Variants in SLC25A26 observed in about 807,000 individuals in gnomAD.
SLC25A26 encodes the protein mitochondrial S-adenosylmethionine carrier protein.
In SLC25A26, 36 loss-of-function variants were observed where a neutral mutation model predicts 37.8. The observed-to-expected ratio is 0.95, with a 90% CI of 0.73 to 1.26. SLC25A26 has a LOEUF of 1.26. Ranked by LOEUF, SLC25A26 falls within the 50% of genes most tolerant of loss-of-function variation. SLC25A26 has a pLI of 0.00. For missense variants in SLC25A26, 390 were observed against 331.1 expected (o/e 1.18, Z -1.38); for synonymous variants, 129 against 122.5 (o/e 1.05, Z -0.35).
intron 5 of SLC25A26, among the ~76,000 whole-genome samples, chr3:66,330,547 G>A (rs764936411): frequency 2.6e-5 from 4 of 151,630 alleles, no homozygotes; most frequent in Non-Finnish European, 4.4e-5. Context: ...CTCTGTTGTA[G>A]GCAGTGTGCT....
At chr3:66,191,866 T>G (rs2070948452) in intron 1 of SLC25A26, among the ~76,000 whole-genome samples, 1 of 150,300 alleles carries the variant, frequency 6.7e-6, no homozygotes, top group South Asian at 2.1e-4. Flanking sequence ...AAGATTGTGC[T>G]ACTGCACTCC....
intron 3 of SLC25A26, among the ~76,000 whole-genome samples, chr3:66,247,833 T>G (rs868985811): frequency 3.9e-5 from 6 of 152,232 alleles, no homozygotes; most frequent in South Asian, 2.1e-4. Context: ...GATAAACTTT[T>G]GATTTCAGAT....
intron 3 of SLC25A26, among the ~76,000 whole-genome samples, chr3:66,253,617 G>A (rs1417990810): frequency 6.6e-6 from 1 of 152,032 alleles, no homozygotes; most frequent in African/African-American, 2.4e-5. Context: ...CTTCCAGAAG[G>A]CATACTGCCT....
At chr3:66,243,399 A>G in intron 3 of SLC25A26, 87 bp downstream of exon 3, 1 of 655,356 alleles carries the variant, frequency 1.5e-6, no homozygotes, top group Non-Finnish European at 2.6e-6. Context: ...TTTTTTAAAA[A>G]TTATTTTTAA....
chr3:66,257,669 G>C (rs563799596), intron 3 of SLC25A26, among the ~76,000 whole-genome samples: 2 of 152,162 alleles, frequency 1.3e-5, no homozygotes, highest in Non-Finnish European at 2.9e-5. Context: ...TTCTCTTGCT[G>C]ATAGCACTTT....
chr3:66,242,531 A>G (rs369557741), intron 2 of SLC25A26, among the ~76,000 whole-genome samples: 1 of 152,202 alleles, frequency 6.6e-6, no homozygotes, highest in South Asian at 2.1e-4. Context: ...CAGAAGATGA[A>G]TTTGTCATTC....
chr3:66,205,093 C>T (rs1466749531), intron 1 of SLC25A26, among the ~76,000 whole-genome samples: 2 of 152,190 alleles, frequency 1.3e-5, no homozygotes, highest in African/African-American at 4.8e-5. Context: ...TTGTGCAACA[C>T]AGCAGTGTTT....
intron 3 of SLC25A26, among the ~76,000 whole-genome samples, chr3:66,260,538 T>C (rs1189438497): frequency 6.6e-6 from 1 of 152,244 alleles, no homozygotes; most frequent in Non-Finnish European, 1.5e-5. Context: ...TTTGTTGTAA[T>C]GCATCGGTAT....
chr3:66,187,271 C>G (rs1375235806), intron 1 of SLC25A26, among the ~76,000 whole-genome samples: 3 of 151,878 alleles, frequency 2.0e-5, no homozygotes, highest in Non-Finnish European at 4.4e-5. Flanking sequence ...TCACACACAG[C>G]CTTACCCTTC....
At chr3:66,133,978 A>T (rs892746309) in exon 1 of SLC25A26, 20 of 152,226 alleles carry the variant, frequency 1.3e-4, no homozygotes, top group African/African-American at 3.4e-4. Context: ...GCATCTTCAC[A>T]TTGCAGGTAC....
chr3:66,378,849 C>T lies in SLC25A26; in HGVS notation c.*1042C>T, dbSNP rs893209387. The T allele has an allele frequency of 6.6e-6, 1 of 152,534 alleles. No individual in the cohort carries two copies. The highest frequency in any genetic ancestry group is 1.5e-5 in the Non-Finnish European group (1 of 68,010). The allele number at this position is 152,534 out of a possible 1,614,324, so 9.4% of individuals were successfully genotyped here. ...AGACACTTCAATGCCATTTGTTAGA[C>T]ACTTCAATATTTTACATGGTTTTCA... On this transcript the variant is annotated 3_prime_UTR_variant, in exon 10 of 10. Coordinates refer to ENST00000354883, the MANE Select transcript of SLC25A26 (RefSeq NM_001379210.1).
At chr3:66,248,290 T>C (rs2072936897) in intron 3 of SLC25A26, among the ~76,000 whole-genome samples, 1 of 152,228 alleles carries the variant, frequency 6.6e-6, no homozygotes, top group African/African-American at 2.4e-5. Context: ...AGATTTAACA[T>C]GTAACAATAG....
At chr3:66,308,166 T>C (rs1289744979) in intron 5 of SLC25A26, among the ~76,000 whole-genome samples, 2 of 152,218 alleles carry the variant, frequency 1.3e-5, no homozygotes, top group South Asian at 4.1e-4. Flanking sequence ...TTGGGTCCTC[T>C]CTTATTTTCT....
intron 1 of SLC25A26, among the ~76,000 whole-genome samples, chr3:66,162,960 C>A (rs948741579): frequency 3.9e-5 from 6 of 152,200 alleles, no homozygotes; most frequent in African/African-American, 1.4e-4. Context: ...AAAGGGTCAG[C>A]CTGGATTGGA....
intron 5 of SLC25A26, among the ~76,000 whole-genome samples, chr3:66,310,843 G>A (rs547418005): frequency 4.6e-5 from 7 of 152,166 alleles, no homozygotes; most frequent in Admixed American, 2.0e-4. Context: ...GGCTTGTAGC[G>A]TTTCTACAGA....
rs1334249016 is a variant in SLC25A26, at chr3:66,276,856, CATT to C, written c.453+13480_453+13482del. Among the ~76,000 whole-genome samples the C allele has an allele frequency of 8.3e-5, 12 of 144,288 alleles. No homozygotes were observed. The South Asian group carries it at 1.9e-3, about 23-fold the overall frequency. 94.7% of individuals were successfully genotyped at this position (144,288 alleles called of 152,430 possible). On this transcript the variant is annotated intron_variant, in intron 5 of 9. Coordinates refer to ENST00000354883, the MANE Select transcript of SLC25A26 (RefSeq NM_001379210.1). Reference sequence around the variant, plus strand: ...ATTCAACTTGTCAGTGCAAAACTGACATTATAGAAGAACGCACTAGAGGGCGCA... The same window carrying C: ...ATTCAACTTGTCAGTGCAAAACTGACATAGAAGAACGCACTAGAGGGCGCA...
At chr3:66,187,275 A>C in intron 1 of SLC25A26, among the ~76,000 whole-genome samples, 1 of 151,828 alleles carries the variant, frequency 6.6e-6, no homozygotes, top group Non-Finnish European at 1.5e-5. Flanking sequence ...ACACAGCCTT[A>C]CCCTTCCCCT....
chr3:66,246,381 A>G (rs1327138185), intron 3 of SLC25A26, among the ~76,000 whole-genome samples: 1 of 152,210 alleles, frequency 6.6e-6, no homozygotes. Flanking sequence ...AAAAATAGAA[A>G]GTGATATAAT....
intron 1 of SLC25A26, among the ~76,000 whole-genome samples, chr3:66,183,951 G>C (rs36187677): frequency 6.6e-6 from 1 of 151,828 alleles, no homozygotes; most frequent in Non-Finnish European, 1.5e-5. Flanking sequence ...TAGACACTCA[G>C]TCTGACACTA....
Sources: allele counts gnomAD v4.1 joint callset (sites outside exome capture counted in the v4.1 genomes callset), GRCh38; gene constraint gnomAD v4.1.1; transcripts MANE v1.5; gene names NCBI Gene and HGNC (gene_info 2026-07-23, HGNC 2026-07-21).